The following EEF1D variants were observed in gnomAD, a reference collection of about 807,000 sequenced individuals.
EEF1D encodes elongation factor 1-delta.
A neutral mutation model predicts 63.9 loss-of-function variants in EEF1D; 47 were observed. The ratio of observed to expected loss-of-function variants is 0.74; its 90% confidence interval spans 0.58 to 0.94. The LOEUF (loss-of-function observed/expected upper bound fraction) is 0.94, where lower values mean the gene tolerates loss of function less well. Ranked by LOEUF, EEF1D falls within the 40% of genes least tolerant of loss-of-function variation. The pLI, the probability that EEF1D is intolerant of heterozygous loss-of-function variation, is 0.00. For synonymous variants in EEF1D, 412 were observed against 386.1 expected, an observed-to-expected ratio of 1.07 and a Z score of -0.79; for missense variants, 907 against 899.0, an observed-to-expected ratio of 1.01 and a Z score of -0.11.
intron 2 of EEF1D, chr8:143,592,087 A>C: frequency 4.1e-6 from 4 of 983,080 alleles, no homozygotes; most frequent in Non-Finnish European, 4.8e-6. Flanking sequence ...GGCAGCACTT[A>C]CCAAGGCCAG....
At chr8:143,590,315 A>C (rs1319393894) in intron 2 of EEF1D, 2 of 681,390 alleles carry the variant, frequency 2.9e-6, no homozygotes, top group Non-Finnish European at 5.0e-6. Flanking sequence ...GCAGTGGCTC[A>C]TGCCTGTAAT....
chr8:143,581,357 G>T, intron 5 of EEF1D, 29 bp from the exon 6 acceptor site: 1 of 1,594,094 alleles, frequency 6.3e-7, no homozygotes, highest in Non-Finnish European at 8.6e-7. Flanking sequence ...GGAGGGCTCA[G>T]TGCCCAGCCT....
intron 1 of EEF1D, among the ~76,000 whole-genome samples, chr8:143,593,382 G>A (rs1047555957): frequency 1.3e-5 from 2 of 152,218 alleles, no homozygotes; most frequent in Middle Eastern, 3.2e-3. Flanking sequence ...AACCCTGCAA[G>A]CTCTGCGAAG....
intron 1 of EEF1D, chr8:143,596,772 C>T (rs1828903446): frequency 6.6e-6 from 1 of 152,362 alleles, no homozygotes; most frequent in Non-Finnish European, 1.5e-5. Flanking sequence ...TACTTCTTAG[C>T]AACAGCATCC....
chr8:143,590,404 G>A (rs1295146897), intron 2 of EEF1D: 2 of 630,358 alleles, frequency 3.2e-6, no homozygotes, highest in South Asian at 2.2e-5. Flanking sequence ...GGCCCATGAA[G>A]TATCTGAGAC....
chr8:143,592,078 G>T (rs1305139382), intron 2 of EEF1D: 1 of 985,350 alleles, frequency 1.0e-6, no homozygotes, highest in African/African-American at 1.7e-5. Flanking sequence ...CCAGGCTGGG[G>T]CAGCACTTAC....
In EEF1D at chr8:143,581,156, T is replaced by G; in HGVS notation, c.1388-2A>C. On this transcript the variant is annotated splice_acceptor_variant, in intron 6 of 9. Coordinates refer to ENST00000618139, the MANE Select transcript of EEF1D (RefSeq NM_001130053.5). LOFTEE classifies it high-confidence loss of function. Reference sequence around the variant, plus strand: ...TGGCCTGCTGCAGCTCCTGTACCACTGGGGGGGCAAGGGGAGCACGGTTAG... The same window carrying G: ...TGGCCTGCTGCAGCTCCTGTACCACGGGGGGGGCAAGGGGAGCACGGTTAG... The G allele has an allele frequency of 6.2e-7, 1 of 1,612,808 alleles. No homozygotes were observed. The highest frequency in any genetic ancestry group is 8.5e-7 in the Non-Finnish European group (1 of 1,179,904).
At chr8:143,596,653 G>C (rs1358534623) in intron 1 of EEF1D, 1 of 152,288 alleles carries the variant, frequency 6.6e-6, no homozygotes, top group Non-Finnish European at 1.5e-5. Context: ...CAGTTCTTCT[G>C]CTGCCAGGCG....
chr8:143,595,196 A>AG (rs1181919305), intron 1 of EEF1D, among the ~76,000 whole-genome samples: 1 of 151,848 alleles, frequency 6.6e-6, no homozygotes, highest in Non-Finnish European at 1.5e-5. Flanking sequence ...CAGCCTCCCA[A>AG]GTAGCTGGGA....
chr8:143,580,169 C>G lies in EEF1D; in HGVS notation c.1748G>C (p.Cys583Ser). 2 of 1,613,794 alleles carry G rather than the reference C, an allele frequency of 1.2e-6. No individual in the cohort carries two copies. Among genetic ancestry groups the G allele is most frequent in the Non-Finnish European group, 1.7e-6 (2 of 1,180,018 alleles). ...DETDMAQLEA[C>S]VRSIQLDGLV... ...CCCGTCCAGCTGGATAGAGCGCACA[C>G]AGGCCTCCAGCTGGGCCATGTCCGT... Residue 583 changes from cysteine (C) to serine (S), a missense_variant, in exon 9 of 10, where the codon TGT becomes TCT. Coordinates refer to ENST00000618139, the MANE Select transcript of EEF1D (RefSeq NM_001130053.5).
intron 5 of EEF1D, among the ~76,000 whole-genome samples, chr8:143,584,592 A>G (rs1450685650): frequency 6.6e-6 from 1 of 152,004 alleles, no homozygotes; most frequent in Non-Finnish European, 1.5e-5. Context: ...CTCCAAAAGA[A>G]AAACCCTAGC....
rs992849464 is a variant in EEF1D at position 143,581,070 on chromosome 8, G to A, written c.1472C>T (p.Thr491Met). Residue 491 changes from threonine to methionine, a missense_variant, in exon 7 of 10, where the codon ACG (threonine) becomes ATG (methionine). Coordinates refer to ENST00000618139, the MANE Select transcript of EEF1D (RefSeq NM_001130053.5). ...AGCATTCACCTGGGTCTGTGGGGCC[G>A]TGGCCCGGTGGCCAGGCGAGCTCTT... The part of the protein sequence containing the change: ...LEKSSPGHRA[T>M]APQTQHVSPM... The A allele has an allele frequency of 1.2e-5, 19 of 1,611,820 alleles. No individual in the cohort carries two copies. Among genetic ancestry groups the A allele is most frequent in the Middle Eastern group, 1.9e-4 (1 of 5,130 alleles).
chr8:143,596,191 G>C (rs1828785515), intron 1 of EEF1D: 1 of 152,488 alleles, frequency 6.6e-6, no homozygotes, highest in Admixed American at 6.5e-5. Flanking sequence ...TCGGCTGGGC[G>C]CTCACTCTGC....
At chr8:143,587,125 T>C in intron 3 of EEF1D, 1 of 286,866 alleles carries the variant, frequency 3.5e-6, no homozygotes, top group Non-Finnish European at 6.5e-6. Context: ...GTCAAACAGC[T>C]GAAGTGCGGA....
chr8:143,581,623 C>T, intron 5 of EEF1D: 1 of 505,140 alleles, frequency 2.0e-6, no homozygotes, highest in Non-Finnish European at 3.5e-6. Flanking sequence ...GCTGAGCAGC[C>T]AGGCTCAGAG....
chr8:143,586,774 T>C lies in EEF1D; in HGVS notation c.1170A>G (p.Arg390=). The stretch of plus-strand genomic sequence containing the variant: ...CAGGCCCGTTCATCTGCTCGTAGAA[T>C]CTCCTTTCTGCGTCGTCATATTTGA... ...DKFKYDDAER[R]FYEQMNGPVA... is the part of the protein sequence containing the mutation. Residue 390 remains arginine, a synonymous_variant, in exon 4 of 10, where the codon AGA becomes AGG. Transcript: ENST00000618139. 1 of 1,614,144 alleles carries C rather than the reference T, an allele frequency of 6.2e-7. No homozygotes were observed. The highest frequency in any genetic ancestry group is 8.5e-7 in the Non-Finnish European group (1 of 1,180,016).
chr8:143,586,616 G>T, intron 4 of EEF1D, 113 bp downstream of exon 4: 1 of 1,449,368 alleles, frequency 6.9e-7, no homozygotes, highest in Non-Finnish European at 9.3e-7. Context: ...CCACAGCAGA[G>T]CCACTGGGCC....
At chr8:143,584,690 C>T (rs998140944) in intron 5 of EEF1D, among the ~76,000 whole-genome samples, 4 of 121,144 alleles carry the variant, frequency 3.3e-5, no homozygotes, top group African/African-American at 5.6e-5. Context: ...AGAGAAAACA[C>T]GTCATCTTCT....
At chr8:143,590,619 C>T (rs932933691) in intron 2 of EEF1D, 2 of 1,020,498 alleles carry the variant, frequency 2.0e-6, no homozygotes, top group Admixed American at 5.5e-5. Context: ...AAAGAAGGAG[C>T]CTCGGCCAGG....
Sources: allele counts gnomAD v4.1 joint callset (sites outside exome capture counted in the v4.1 genomes callset), GRCh38; gene constraint gnomAD v4.1.1; transcripts MANE v1.5; gene names NCBI Gene and HGNC (gene_info 2026-07-23, HGNC 2026-07-21).